Variants in XRCC1 observed in about 807,000 individuals in gnomAD.
XRCC1 encodes the protein DNA repair protein XRCC1.
Under a neutral mutation model 83.3 loss-of-function variants are expected in XRCC1, and 52 were observed. That is an observed-to-expected ratio of 0.62 (90% CI 0.50 to 0.79). XRCC1 has a LOEUF of 0.79. XRCC1 is among the 30% of genes least tolerant of loss of function. The pLI, the probability that XRCC1 is intolerant of heterozygous loss-of-function variation, is 0.00. For missense variants in XRCC1, 793 were observed against 823.5 expected (o/e 0.96, Z 0.45); for synonymous variants, 281 against 312.6 (o/e 0.90, Z 1.07).
At chr19:43,575,122 C>T in intron 1 of XRCC1, 120 bp from the exon 2 acceptor site, 1 of 851,684 alleles carries the variant, frequency 1.2e-6, no homozygotes, top group Non-Finnish European at 1.9e-6. Context: ...TAAGCTCTCC[C>T]GTTAATCCCC....
intron 10 of XRCC1, among the ~76,000 whole-genome samples, chr19:43,549,866 C>T (rs924877751): frequency 2.0e-5 from 3 of 152,092 alleles, no homozygotes; most frequent in Non-Finnish European, 4.4e-5. Context: ...AGACCAGTTG[C>T]AAATCCAACA....
intron 2 of XRCC1, among the ~76,000 whole-genome samples, chr19:43,566,751 C>A (rs1053821285): frequency 1.3e-5 from 2 of 151,298 alleles, no homozygotes; most frequent in Non-Finnish European, 2.9e-5. Context: ...TGGTGGCATG[C>A]GCCTGTAGTC....
Position 43,561,040 on chromosome 19 carries a change from C to T in XRCC1, c.145-20G>A. 2.5e-6 allele frequency: 4 copies of T among 1,583,042 alleles called. No individual in the cohort carries two copies. Among genetic ancestry groups the T allele is most frequent in the Non-Finnish European group, 3.5e-6 (4 of 1,151,732 alleles). ...CTCCAACTGTGGGCAGAGAGAGAGG[C>T]CACTGTCAGTGCCTGCTCTGCCTCT... On this transcript the variant is annotated intron_variant, in intron 2 of 16. Coordinates refer to ENST00000262887, the MANE Select transcript of XRCC1 (RefSeq NM_006297.3).
chr19:43,558,562 G>A (rs1237561415), intron 3 of XRCC1, among the ~76,000 whole-genome samples: 1 of 151,370 alleles, frequency 6.6e-6, no homozygotes, highest in Non-Finnish European at 1.5e-5. Context: ...CCAGGAGGCA[G>A]AGGTTGCAGT....
chr19:43,551,557 G>T lies in XRCC1; in HGVS notation c.1199+14C>A. On this transcript the variant is annotated intron_variant, in intron 10 of 16. Coordinates refer to ENST00000262887, the MANE Select transcript of XRCC1 (RefSeq NM_006297.3). ...GCACAGGATAAGGAGCAGGGTTGGC[G>T]TGTGAGGCCTTACCTCTGGGAGGGC... 1 of 1,605,964 alleles carries T rather than the reference G, an allele frequency of 6.2e-7. No individual in the cohort carries two copies. Among genetic ancestry groups the T allele is most frequent in the African/African-American group, 1.3e-5 (1 of 74,894 alleles).
In XRCC1 at chr19:43,552,827, G is replaced by A. The variant is rs771256506; in HGVS notation, c.793C>T (p.Leu265=). 2.5e-6 allele frequency: 4 copies of A among 1,612,494 alleles called. No homozygotes were observed. The highest frequency in any genetic ancestry group is 3.4e-6 in the Non-Finnish European group (4 of 1,179,526). The change falls in exon 8 of 17, where the codon CTG becomes TTG. Residue 265 remains leucine, a synonymous_variant. Coordinates refer to ENST00000262887, the MANE Select transcript of XRCC1 (RefSeq NM_006297.3). ...GGTCTCTTGGGAACAGATGGCGACA[G>A]CTGGGCTGGTGGTTTGCTGGGGGTC... ...KKTPSKPPAQ[L]SPSVPKRPKL...
At position 43,551,766 on chromosome 19, in the gene XRCC1, G is replaced by A. The variant is rs200509393; in HGVS notation, c.1083-79C>T. 2.3e-5 allele frequency: 15 copies of A among 638,788 alleles called. No individual in the cohort carries two copies. In the African/African-American group the frequency reaches 2.8e-4, roughly 12 times the overall value. 39.6% of individuals were successfully genotyped at this position (638,788 alleles called of 1,614,324 possible). On this transcript the variant is annotated intron_variant, in intron 9 of 16. Transcript: ENST00000262887. ...GGGAACGAGACAGGGGAGACAGACA[G>A]AGAGAGAGAGAGACAGACAGACAGA...
At chr19:43,566,528 T>A in intron 2 of XRCC1, among the ~76,000 whole-genome samples, 1 of 127,650 alleles carries the variant, frequency 7.8e-6, no homozygotes, top group Non-Finnish European at 1.6e-5. Flanking sequence ...CAAGACTCTG[T>A]CTCAAAAAAA....
chr19:43,548,843 G>A (rs1270282677), intron 10 of XRCC1, among the ~76,000 whole-genome samples: 1 of 150,174 alleles, frequency 6.7e-6, no homozygotes, highest in African/African-American at 2.5e-5. Flanking sequence ...GGTAGCACGT[G>A]ACAAATACTG....
rs3213358 is a variant in XRCC1, at chr19:43,553,759, G to T, written c.415-76C>A. The T allele has an allele frequency of 1.9e-3, 2,395 of 1,268,522 alleles. 35 individuals carry two copies. The African/African-American group carries it at 0.029, about 15-fold the overall frequency. 78.6% of individuals were successfully genotyped at this position (1,268,522 alleles called of 1,614,324 possible). A position where few individuals can be genotyped will look rare whatever the true frequency, so the allele number is the denominator to read the frequency against. On this transcript the variant is annotated intron_variant, in intron 4 of 16. Coordinates refer to ENST00000262887, the MANE Select transcript of XRCC1 (RefSeq NM_006297.3). Reference sequence around the variant, plus strand: ...AGGGCCCAAGACCCTTTTCACTCAGGGAAACCTCTTCCTGGCTCCTTCCCT... The same window carrying T: ...AGGGCCCAAGACCCTTTTCACTCAGTGAAACCTCTTCCTGGCTCCTTCCCT...
In XRCC1 at chr19:43,552,977, T is replaced by C. The variant is rs184028231; in HGVS notation, c.711+5A>G. On this transcript the variant is annotated splice_donor_5th_base_variant and intron_variant, in intron 7 of 16. Coordinates refer to ENST00000262887, the MANE Select transcript of XRCC1 (RefSeq NM_006297.3). ...CTCCACCCCACCAAAGTCTGATGATTTCACCTTGGAGGTGCTGCCTATGGC... is the reference window on the plus strand; with the variant it reads ...CTCCACCCCACCAAAGTCTGATGATCTCACCTTGGAGGTGCTGCCTATGGC... The C allele has an allele frequency of 3.7e-6, 6 of 1,605,718 alleles. No individual in the cohort carries two copies. In the African/African-American group the frequency reaches 6.7e-5, roughly 18 times the overall value.
intron 3 of XRCC1, among the ~76,000 whole-genome samples, chr19:43,560,314 T>C (rs1317523577): frequency 6.7e-6 from 1 of 150,124 alleles, no homozygotes; most frequent in Non-Finnish European, 1.5e-5. Flanking sequence ...AAGAATAGCT[T>C]GAACCCGGGA....
At position 43,560,988 on chromosome 19, in the gene XRCC1, G is replaced by A; in HGVS notation, c.177C>T (p.Asp59=). ...LEKEEQIHSV[D]IGNDGSAFVE... is the part of the protein sequence containing the mutation. ...CGAAAGCTGAGCCATCATTCCCAAT[G>A]TCCACACTGTGTATCTGCTCCTCCT... Residue 59 remains aspartate, a synonymous_variant, in exon 3 of 17, where the codon GAC becomes GAT. Transcript: ENST00000262887. The A allele has an allele frequency of 1.2e-6, 2 of 1,614,172 alleles. No homozygotes were observed. The highest frequency in any genetic ancestry group is 1.7e-6 in the Non-Finnish European group (2 of 1,180,018).
rs1467137320 is a variant in XRCC1, at chr19:43,551,685, C to T, written c.1085G>A (p.Cys362Tyr). 2 of 1,613,822 alleles carry T rather than the reference C, an allele frequency of 1.2e-6. No homozygotes were observed. Among genetic ancestry groups the T allele is most frequent in the Non-Finnish European group, 1.7e-6 (2 of 1,179,806 alleles). ...GTACTTGGGGGTGTTGGCAAAGGCA[C>T]AGCTGGTGGGGGGCAGAAGTGAAGA... ...DWTRDSTHLI[C>Y]AFANTPKYSQ... Residue 362 changes from cysteine to tyrosine, a missense_variant and splice_region_variant, in exon 10 of 17, where the codon TGT (cysteine) becomes TAT (tyrosine). Transcript: ENST00000262887.
chr19:43,550,165 G>C (rs573132841), intron 10 of XRCC1, among the ~76,000 whole-genome samples: 1 of 152,140 alleles, frequency 6.6e-6, no homozygotes, highest in Non-Finnish European at 1.5e-5. Flanking sequence ...TCAGGTTTTA[G>C]AGAGGCAAAT....
intron 10 of XRCC1, among the ~76,000 whole-genome samples, chr19:43,547,541 C>T (rs1413475541): frequency 6.7e-6 from 1 of 148,678 alleles, no homozygotes; most frequent in Non-Finnish European, 1.5e-5. Context: ...AGTGCAGTGG[C>T]GTGATCTTGG....
chr19:43,549,078 A>G (rs1452229838), intron 10 of XRCC1, among the ~76,000 whole-genome samples: 1 of 152,170 alleles, frequency 6.6e-6, no homozygotes, highest in Admixed American at 6.5e-5. Context: ...TCACACTCAT[A>G]AAACGGTGCC....
At chr19:43,562,090 A>G in intron 2 of XRCC1, among the ~76,000 whole-genome samples, 1 of 150,788 alleles carries the variant, frequency 6.6e-6, no homozygotes, top group African/African-American at 2.4e-5. Flanking sequence ...AGGTTTCAGT[A>G]AGCAGAGATC....
intron 3 of XRCC1, among the ~76,000 whole-genome samples, chr19:43,560,186 C>T (rs1600054722): frequency 2.7e-5 from 4 of 150,644 alleles, no homozygotes; most frequent in Middle Eastern, 6.9e-3. Context: ...GTCAGGAGTT[C>T]GAGACCAGCC....
Sources: gnomAD v4.1 joint callset for allele counts (sites outside exome capture counted in the v4.1 genomes callset) on GRCh38, gnomAD v4.1.1 for gene constraint, MANE v1.5 for transcripts, NCBI Gene and HGNC (gene_info 2026-07-23, HGNC 2026-07-21) for gene names.